STAG1: variants seen among roughly 807,000 people sequenced by gnomAD.
STAG1 encodes the protein STAG1 cohesin complex component.
Under a neutral mutation model 170.9 loss-of-function variants are expected in STAG1, and 26 were observed. The observed-to-expected ratio is 0.15, with a 90% confidence interval of 0.11 to 0.21. The LOEUF (loss-of-function observed/expected upper bound fraction) is 0.21, where lower values mean the gene tolerates loss of function less well. Among genes scored for constraint, STAG1 ranks in the 10% least tolerant of loss-of-function variants. STAG1 has a pLI of 1.00. For missense variants in STAG1, 964 were observed against 1,509.5 expected, an observed-to-expected ratio of 0.64 and a Z score of 5.99; for synonymous variants, 514 against 497.7, an observed-to-expected ratio of 1.03 and a Z score of -0.44.
Position 136,620,816 on chromosome 3 carries a change from C to A in STAG1, c.132+2330G>T, listed in dbSNP as rs374861155. ...CATTTTTTCAATACTGTAAATATGG[C>A]ATGAACATGCACTATTTACTTACTA... On this transcript the variant is annotated intron_variant, in intron 3 of 33. Transcript: ENST00000383202. Among the ~76,000 whole-genome samples, 10 of 152,244 alleles carry A rather than the reference C, an allele frequency of 6.6e-5. No individual in the cohort carries two copies. In the East Asian group the frequency reaches 9.6e-4, roughly 15 times the overall value.
At chr3:136,497,664 C>T (rs1179152536) in intron 9 of STAG1, among the ~76,000 whole-genome samples, 1 of 151,118 alleles carries the variant, frequency 6.6e-6, no homozygotes, top group South Asian at 2.1e-4. Flanking sequence ...CACGGTGAAA[C>T]CCTGTCTCTA....
chr3:136,413,126 A>G (rs2087672437), intron 21 of STAG1, among the ~76,000 whole-genome samples: 1 of 150,678 alleles, frequency 6.6e-6, no homozygotes, highest in African/African-American at 2.4e-5. Flanking sequence ...GGTCTACCAA[A>G]GTGCTGGGAT....
intron 1 of STAG1, among the ~76,000 whole-genome samples, chr3:136,641,589 C>A (rs1940801056): frequency 1.3e-5 from 2 of 152,146 alleles, no homozygotes. Flanking sequence ...GCAGGATATT[C>A]TGCAAAATAA....
At chr3:136,382,212 G>C (rs1178179309) in intron 22 of STAG1, among the ~76,000 whole-genome samples, 1 of 152,124 alleles carries the variant, frequency 6.6e-6, no homozygotes, top group Non-Finnish European at 1.5e-5. Flanking sequence ...GCCATCTTAG[G>C]AGTTGGAGGC....
At chr3:136,505,780 T>A (rs1933728930) in intron 7 of STAG1, among the ~76,000 whole-genome samples, 1 of 151,906 alleles carries the variant, frequency 6.6e-6, no homozygotes, top group Non-Finnish European at 1.5e-5. Flanking sequence ...ATTAAGGGGG[T>A]GCTATTTTAG....
intron 4 of STAG1, among the ~76,000 whole-genome samples, chr3:136,597,966 T>C (rs552747689): frequency 2.3e-4 from 35 of 152,272 alleles, no homozygotes; most frequent in African/African-American, 8.4e-4. Context: ...TTCCTAATTA[T>C]CAAAAGTTTC....
rs1324004295 is a variant in STAG1 at position 136,739,520 on chromosome 3, G to GA, written c.-84+12674dup. ...GACTCCGTCAAAAAAAAAAAAAAAA[G>GA]AAAAAAAAAAAAAGAAAGGCTAGGT... On this transcript the variant is annotated intron_variant, in intron 1 of 33. Transcript: ENST00000383202. 5.2e-3 allele frequency among the ~76,000 whole-genome samples: 633 copies of GA among 120,690 alleles called. 6 individuals are homozygous for GA. In the East Asian group the frequency reaches 0.054, roughly 10 times the overall value. 79.2% of individuals were successfully genotyped at this position (120,690 alleles called of 152,430 possible).
intron 3 of STAG1, among the ~76,000 whole-genome samples, chr3:136,615,319 T>C (rs1939529555): frequency 6.7e-6 from 1 of 149,448 alleles, no homozygotes; most frequent in Non-Finnish European, 1.5e-5. Flanking sequence ...TTAGGTGTAA[T>C]ATTAGGTTAG....
In STAG1 at chr3:136,502,636, G is replaced by A; in HGVS notation, c.820C>T (p.Arg274Cys). The A allele has an allele frequency of 6.2e-7, 1 of 1,612,676 alleles. No individual in the cohort carries two copies. The highest frequency in any genetic ancestry group is 8.5e-7 in the Non-Finnish European group (1 of 1,179,534). The change falls in exon 8 of 34, where the codon CGC becomes TGC. Residue 274 changes from arginine (R) to cysteine (C), a missense_variant. Arg to Cys is a radical substitution (Grantham distance 180, BLOSUM62 -3). This residue lies in a region of STAG1 where 57 missense variants were observed against 157.6 expected (regional missense o/e 0.36). Transcript: ENST00000383202. ...NERLELLLQKRKELQENQDEI... is the reference protein window; with the variant it reads ...NERLELLLQKCKELQENQDEI... The stretch of plus-strand genomic sequence containing the variant: ...GTTCCCATGAAACTTACCTCTTTGC[G>A]TTTCTGAAGTAGTAACTCCAACCTT...
At chr3:136,470,952 G>T (rs2089610706) in intron 12 of STAG1, among the ~76,000 whole-genome samples, 1 of 145,618 alleles carries the variant, frequency 6.9e-6, no homozygotes, top group Non-Finnish European at 1.5e-5. Context: ...TTGGACGCAG[G>T]AAGGGGACCA....
At chr3:136,377,343 C>T (rs1244730214) in intron 23 of STAG1, among the ~76,000 whole-genome samples, 52 of 125,636 alleles carry the variant, frequency 4.1e-4, no homozygotes, top group Non-Finnish European at 2.9e-4. Flanking sequence ...GCCGAGATTG[C>T]GCCACTGCAC....
chr3:136,612,667 G>A (rs1939362929), intron 3 of STAG1, among the ~76,000 whole-genome samples: 1 of 152,178 alleles, frequency 6.6e-6, no homozygotes, highest in Admixed American at 6.5e-5. Context: ...CTGAACAACA[G>A]AGCAAGACCC....
At chr3:136,513,348 C>A (rs1225556727) in intron 7 of STAG1, among the ~76,000 whole-genome samples, 2 of 151,250 alleles carry the variant, frequency 1.3e-5, no homozygotes, top group Admixed American at 6.6e-5. Flanking sequence ...CAGAGCAAGA[C>A]CCCGTCTCAA....
chr3:136,380,662 T>A (rs888244725), intron 22 of STAG1, among the ~76,000 whole-genome samples: 5 of 152,118 alleles, frequency 3.3e-5, no homozygotes, highest in Non-Finnish European at 7.3e-5. Flanking sequence ...TGTTGATGAT[T>A]ACTCCTTAAT....
intron 1 of STAG1, among the ~76,000 whole-genome samples, chr3:136,682,079 A>G (rs1057421121): frequency 6.6e-6 from 1 of 152,198 alleles, no homozygotes; most frequent in Non-Finnish European, 1.5e-5. Context: ...AAAAAGAAAT[A>G]AAACTATCTC....
chr3:136,343,048 G>A (rs977067190), intron 30 of STAG1, among the ~76,000 whole-genome samples: 1 of 152,206 alleles, frequency 6.6e-6, no homozygotes, highest in African/African-American at 2.4e-5. Flanking sequence ...CCCAGGATTT[G>A]ATACTTCTAA....
At chr3:136,691,713 A>G (rs1942728468) in intron 1 of STAG1, among the ~76,000 whole-genome samples, 1 of 152,218 alleles carries the variant, frequency 6.6e-6, no homozygotes, top group South Asian at 2.1e-4. Flanking sequence ...CTTGTGTCTT[A>G]CTAGTTATAA....
chr3:136,439,194 CAA>C (rs1163622178), intron 15 of STAG1, among the ~76,000 whole-genome samples: 350 of 63,566 alleles, frequency 5.5e-3, no homozygotes, highest in African/African-American at 0.017. Flanking sequence ...GACCCAGACT[CAA>C]AAAAAAAAAA....
intron 6 of STAG1, among the ~76,000 whole-genome samples, chr3:136,532,683 T>C (rs1412597786): frequency 1.3e-5 from 2 of 152,132 alleles, no homozygotes; most frequent in Admixed American, 1.3e-4. Flanking sequence ...ATCATCTCAA[T>C]AGATGCAGAA....
Sources: allele counts gnomAD v4.1 joint callset (sites outside exome capture counted in the v4.1 genomes callset), GRCh38; gene constraint gnomAD v4.1.1; regional missense constraint gnomAD v4.1.1; transcripts MANE v1.5; gene names NCBI Gene and HGNC (gene_info 2026-07-23, HGNC 2026-07-21).